CD84: variants seen among roughly 807,000 people sequenced by gnomAD.
CD84 encodes the protein CD84 molecule.
In CD84, 22 loss-of-function variants were observed where a neutral mutation model predicts 33.8. The observed-to-expected ratio is 0.65, with a 90% CI of 0.46 to 0.93. The LOEUF (loss-of-function observed/expected upper bound fraction) is 0.93, where lower values mean the gene tolerates loss of function less well. Ranked by LOEUF, CD84 falls within the 40% of genes least tolerant of loss-of-function variation. CD84 has a pLI of 0.00. For synonymous variants in CD84, 154 were observed against 145.2 expected (o/e 1.06, Z -0.44); for missense variants, 400 against 397.6 (o/e 1.01, Z -0.05).
rs6677895 is a variant in CD84, at chr1:160,546,014, T to A, written c.*2242A>T. 0.8 allele frequency: 118,042 copies of A among 147,470 alleles called. 48,503 individuals carry two copies. The highest frequency in any genetic ancestry group is 0.91 in the Non-Finnish European group (61,014 of 66,964). The allele number at this position is 147,470 out of a possible 1,614,324, so 9.1% of individuals were successfully genotyped here. On this transcript the variant is annotated 3_prime_UTR_variant, in exon 7 of 7. Coordinates refer to ENST00000368054, the MANE Select transcript of CD84 (RefSeq NM_003874.4). The stretch of plus-strand genomic sequence containing the variant: ...TCTTTTTTTTTTTTTCGAGATGGAG[T>A]CTCACTCTGTCTCTCCCAGGCTGGA...
chr1:160,578,508 G>A (rs1021250177), intron 1 of CD84, among the ~76,000 whole-genome samples: 2 of 152,158 alleles, frequency 1.3e-5, no homozygotes, highest in African/African-American at 4.8e-5. Flanking sequence ...AAATCCAAAC[G>A]TACTAGGTTC....
chr1:160,577,541 C>A (rs1658051440), intron 1 of CD84, among the ~76,000 whole-genome samples: 1 of 152,130 alleles, frequency 6.6e-6, no homozygotes, highest in African/African-American at 2.4e-5. Flanking sequence ...TTTCCAGAAC[C>A]CAGACAACCA....
At chr1:160,557,934 G>T (rs926780620) in intron 2 of CD84, among the ~76,000 whole-genome samples, 1 of 152,088 alleles carries the variant, frequency 6.6e-6, no homozygotes, top group Non-Finnish European at 1.5e-5. Context: ...TCCCTGCAGG[G>T]GCTTCAGCCA....
chr1:160,547,221 T>C lies in CD84; in HGVS notation c.*1035A>G. 2.5e-6 allele frequency: 1 copy of C among 398,730 alleles called. No individual in the cohort carries two copies. The highest frequency in any genetic ancestry group is 1.3e-4 in the South Asian group (1 of 7,850). The allele number at this position is 398,730 out of a possible 1,614,324, so 24.7% of individuals were successfully genotyped here. On this transcript the variant is annotated 3_prime_UTR_variant, in exon 7 of 7. Transcript: ENST00000368054. Reference sequence around the variant, plus strand: ...CTGGGATGAACCCAGTTTCATCATCTGCACCATCATCTCCCAAGTTCCTTC... The same window carrying C: ...CTGGGATGAACCCAGTTTCATCATCCGCACCATCATCTCCCAAGTTCCTTC...
At chr1:160,562,776 GAACA>G (rs1397162788) in intron 2 of CD84, among the ~76,000 whole-genome samples, 2 of 152,070 alleles carry the variant, frequency 1.3e-5, no homozygotes, top group African/African-American at 4.8e-5. Context: ...TCATCAGAGT[GAACA>G]AACAACCTAC....
At chr1:160,574,206 AAG>A (rs1272901471) in intron 1 of CD84, among the ~76,000 whole-genome samples, 1 of 152,126 alleles carries the variant, frequency 6.6e-6, no homozygotes, top group Non-Finnish European at 1.5e-5. Context: ...CAGCAAGAGA[AAG>A]AGTGAAGGCA....
rs534132952 is a variant in CD84 at position 160,546,769 on chromosome 1, T to C, written c.*1487A>G. 5.1e-6 allele frequency: 1 copy of C among 194,226 alleles called. No individual in the cohort carries two copies. Among genetic ancestry groups the C allele is most frequent in the Non-Finnish European group, 1.0e-5 (1 of 96,092 alleles). The allele number at this position is 194,226 out of a possible 1,614,324, so 12.0% of individuals were successfully genotyped here. A position where few individuals can be genotyped will look rare whatever the true frequency, so the allele number is the denominator to read the frequency against. On this transcript the variant is annotated 3_prime_UTR_variant, in exon 7 of 7. Coordinates refer to ENST00000368054, the MANE Select transcript of CD84 (RefSeq NM_003874.4). ...GACTGTTCATGCTATTACTTGCAGC[T>C]GCAGTTCAGCGTTAACTGTAGTGTC...
At chr1:160,554,838 A>G (rs1214702022) in intron 2 of CD84, among the ~76,000 whole-genome samples, 3 of 152,218 alleles carry the variant, frequency 2.0e-5, no homozygotes, top group Non-Finnish European at 4.4e-5. Flanking sequence ...GCAAAAATCA[A>G]TGAAAGCATT....
intron 2 of CD84, among the ~76,000 whole-genome samples, chr1:160,560,585 C>T (rs1348356603): frequency 6.6e-6 from 1 of 152,036 alleles, no homozygotes; most frequent in Admixed American, 6.6e-5. Flanking sequence ...ACTAAAAGAA[C>T]TATAGAACCA....
At chr1:160,561,315 C>G (rs761208806) in intron 2 of CD84, among the ~76,000 whole-genome samples, 8 of 152,156 alleles carry the variant, frequency 5.3e-5, no homozygotes, top group Non-Finnish European at 1.2e-4. Flanking sequence ...AGCTTATCCA[C>G]CACGACCAAG....
At chr1:160,563,124 T>TA (rs1657099102) in intron 2 of CD84, among the ~76,000 whole-genome samples, 1 of 152,124 alleles carries the variant, frequency 6.6e-6, no homozygotes, top group South Asian at 2.1e-4. Context: ...GAAAAAGAAA[T>TA]GCTTTTACAA....
chr1:160,571,619 G>T (rs1172008124), intron 1 of CD84, among the ~76,000 whole-genome samples: 4 of 152,064 alleles, frequency 2.6e-5, no homozygotes, highest in Non-Finnish European at 5.9e-5. Context: ...TAGCTAGAAG[G>T]TCAGGTGAAA....
chr1:160,553,546 A>G (rs202094789), intron 3 of CD84, 49 bp from the exon 4 acceptor site: 1 of 1,610,018 alleles, frequency 6.2e-7, no homozygotes, highest in East Asian at 2.2e-5. Flanking sequence ...AATAGGCCCA[A>G]GAGGCTGGGC....
intron 2 of CD84, among the ~76,000 whole-genome samples, chr1:160,562,182 A>G (rs1309256719): frequency 6.6e-6 from 1 of 152,122 alleles, no homozygotes; most frequent in Non-Finnish European, 1.5e-5. Context: ...TAAGCTATTC[A>G]CATTAGACTA....
At chr1:160,551,598 G>A (rs1656227916) in intron 4 of CD84, among the ~76,000 whole-genome samples, 2 of 152,130 alleles carry the variant, frequency 1.3e-5, no homozygotes. Flanking sequence ...GGAGTGCAGT[G>A]GTGCACCAAC....
At chr1:160,554,406 G>T (rs554056750) in intron 2 of CD84, among the ~76,000 whole-genome samples, 2 of 152,248 alleles carry the variant, frequency 1.3e-5, no homozygotes, top group African/African-American at 4.8e-5. Context: ...TGTTAACAGA[G>T]TATCTGTCTT....
In CD84 at chr1:160,548,416, C is replaced by A. The variant is rs548143113; in HGVS notation, c.922-95G>T. The A allele has an allele frequency of 4.8e-6, 6 of 1,255,222 alleles. No homozygotes were observed. In the East Asian group the frequency reaches 7.2e-5, roughly 15 times the overall value. The allele number at this position is 1,255,222 out of a possible 1,614,324, so 77.8% of individuals were successfully genotyped here. On this transcript the variant is annotated intron_variant, in intron 6 of 6. Coordinates refer to ENST00000368054, the MANE Select transcript of CD84 (RefSeq NM_003874.4). Reference sequence around the variant, plus strand: ...TCCCAGAGGAGTTAAGCAAATGGCACGGGGGAATGCCTTAGATTTGCCTCA... The same window carrying A: ...TCCCAGAGGAGTTAAGCAAATGGCAAGGGGGAATGCCTTAGATTTGCCTCA...
Position 160,546,876 on chromosome 1 carries a change from A to AGAAGG in CD84, c.*1379_*1380insCCTTC, listed in dbSNP as rs1655859942. On this transcript the variant is annotated 3_prime_UTR_variant, in exon 7 of 7. Coordinates refer to ENST00000368054, the MANE Select transcript of CD84 (RefSeq NM_003874.4). ...TTTGGGGCCTTGCAGCTCCTAACAT[A>AGAAGG]GTGCTAATGGTAGTTGGTGCTAGAT... The AGAAGG allele has an allele frequency of 2.7e-6, 1 of 366,956 alleles. No homozygotes were observed. Among genetic ancestry groups the AGAAGG allele is most frequent in the Non-Finnish European group, 4.8e-6 (1 of 206,260 alleles). The allele number at this position is 366,956 out of a possible 1,614,324, so 22.7% of individuals were successfully genotyped here.
At chr1:160,573,363 T>TA (rs769711353) in intron 1 of CD84, among the ~76,000 whole-genome samples, 6 of 152,070 alleles carry the variant, frequency 3.9e-5, no homozygotes, top group Non-Finnish European at 7.4e-5. Flanking sequence ...TAGATTCTAT[T>TA]AAAAATGAAC....
Sources: gnomAD v4.1 joint callset for allele counts (sites outside exome capture counted in the v4.1 genomes callset) on GRCh38, gnomAD v4.1.1 for gene constraint, MANE v1.5 for transcripts, NCBI Gene and HGNC (gene_info 2026-07-23, HGNC 2026-07-21) for gene names.